Variants in ADAM17 observed in about 807,000 individuals in gnomAD.
ADAM17 encodes the protein disintegrin and metalloproteinase domain-containing protein 17.
In ADAM17, 39 loss-of-function variants were observed where a neutral mutation model predicts 96.7. The ratio of observed to expected loss-of-function variants is 0.40; its 90% CI spans 0.31 to 0.53. ADAM17 has a LOEUF of 0.53. Ranked by LOEUF, ADAM17 falls within the 20% of genes least tolerant of loss-of-function variation. The probability of loss-of-function intolerance (pLI) is 0.44; values close to 1 mark genes in which losing one functional copy is unlikely to be tolerated. For missense variants in ADAM17, 777 were observed against 1,013.2 expected, an observed-to-expected ratio of 0.77 and a Z score of 3.17; for synonymous variants, 344 against 359.2, an observed-to-expected ratio of 0.96 and a Z score of 0.48.
chr2:9,538,995 A>C (rs1665096370), intron 2 of ADAM17, among the ~76,000 whole-genome samples: 1 of 152,120 alleles, frequency 6.6e-6, no homozygotes, highest in African/African-American at 2.4e-5. Flanking sequence ...GATATATTTC[A>C]CTTTTAGGAG....
At position 9,497,136 on chromosome 2, in the gene ADAM17, C is replaced by T; in HGVS notation, c.1761G>A (p.Gln587=). 1 of 1,614,158 alleles carries T rather than the reference C, an allele frequency of 6.2e-7. No individual in the cohort carries two copies. The highest frequency in any genetic ancestry group is 8.5e-7 in the Non-Finnish European group (1 of 1,179,996). Residue 587 remains glutamine, a synonymous_variant, in exon 14 of 19, where the codon CAG becomes CAA. Coordinates refer to ENST00000310823, the MANE Select transcript of ADAM17 (RefSeq NM_003183.6). The part of the protein sequence containing the change: ...KCIPFCEREQ[Q]LESCACNETD... ...CACCATTACATGCACAGGACTCCAGCTGCTGTTCCCTCTCGCAGAAAGGGA... is the reference window on the plus strand; with the variant it reads ...CACCATTACATGCACAGGACTCCAGTTGCTGTTCCCTCTCGCAGAAAGGGA...
intron 14 of ADAM17, chr2:9,496,460 C>T (rs1009400908): frequency 6.6e-6 from 1 of 152,346 alleles, no homozygotes; most frequent in Non-Finnish European, 1.5e-5. Context: ...AGAGAACTCC[C>T]TCATCGACTC....
intron 7 of ADAM17, 62 bp downstream of exon 7, chr2:9,523,187 C>G: frequency 1.6e-6 from 2 of 1,289,530 alleles, no homozygotes; most frequent in Non-Finnish European, 1.1e-6. Flanking sequence ...GTTTTGAATA[C>G]AAGTGACAAA....
At chr2:9,491,834 G>A (rs556704513) in intron 17 of ADAM17, among the ~76,000 whole-genome samples, 18 of 152,298 alleles carry the variant, frequency 1.2e-4, no homozygotes, top group South Asian at 2.1e-4. Context: ...CCCTCCTATC[G>A]GAGGCTTTGC....
At chr2:9,514,701 G>A (rs779136391) in intron 10 of ADAM17, among the ~76,000 whole-genome samples, 31 of 151,014 alleles carry the variant, frequency 2.1e-4, no homozygotes, top group Admixed American at 6.0e-4. Flanking sequence ...GTGAAACCCC[G>A]TCTCTACTAA....
intron 11 of ADAM17, among the ~76,000 whole-genome samples, chr2:9,507,526 A>G (rs1193452168): frequency 6.6e-6 from 1 of 152,206 alleles, no homozygotes; most frequent in Non-Finnish European, 1.5e-5. Flanking sequence ...ATAATAATAA[A>G]TAAATAAAAC....
At chr2:9,526,020 T>G in intron 6 of ADAM17, 91 bp downstream of exon 6, 2 of 1,159,260 alleles carry the variant, frequency 1.7e-6, no homozygotes, top group Non-Finnish European at 2.3e-6. Context: ...AATAACAGAG[T>G]ATCTGGAACA....
At chr2:9,508,366 G>A (rs187644795) in intron 11 of ADAM17, among the ~76,000 whole-genome samples, 153 of 152,040 alleles carry the variant, frequency 1.0e-3, no homozygotes, top group Middle Eastern at 6.8e-3. Context: ...CTCTACATCC[G>A]CGCTACTTTT....
At chr2:9,493,682 A>C (rs1662336506) in intron 16 of ADAM17, 65 bp downstream of exon 16, 1 of 1,410,516 alleles carries the variant, frequency 7.1e-7, no homozygotes, top group Non-Finnish European at 1.0e-6. Flanking sequence ...CTGAAAGCAC[A>C]CTTTTCTAAT....
chr2:9,536,418 C>T lies in ADAM17; in HGVS notation c.361+280G>A, dbSNP rs769542612. Among the ~76,000 whole-genome samples, 10 of 152,202 alleles carry T rather than the reference C, an allele frequency of 6.6e-5. No homozygotes were observed. In the Middle Eastern group the frequency reaches 0.014, roughly 207 times the overall value. On this transcript the variant is annotated intron_variant, in intron 3 of 18. Coordinates refer to ENST00000310823, the MANE Select transcript of ADAM17 (RefSeq NM_003183.6). ...TTTAAAATATCATAAAGAAAGCTTA[C>T]AGTCACTGAGGAAAAGAAAGGTTAA...
intron 4 of ADAM17, among the ~76,000 whole-genome samples, chr2:9,528,876 A>T (rs565460776): frequency 6.6e-6 from 1 of 152,376 alleles, no homozygotes; most frequent in South Asian, 2.1e-4. Context: ...AAACCACTTT[A>T]GAAAACAGTC....
intron 4 of ADAM17, among the ~76,000 whole-genome samples, chr2:9,532,468 AT>A (rs1278429280): frequency 3.9e-5 from 6 of 152,016 alleles, no homozygotes. Flanking sequence ...GTAAGTAAAC[AT>A]CTTTGTGTGT....
At chr2:9,504,203 T>C (rs914135323) in intron 12 of ADAM17, among the ~76,000 whole-genome samples, 2 of 151,616 alleles carry the variant, frequency 1.3e-5, no homozygotes, top group African/African-American at 2.4e-5. Context: ...TCCCAGCACT[T>C]TGGGAGGCCA....
intron 10 of ADAM17, among the ~76,000 whole-genome samples, chr2:9,515,133 C>T (rs1301856717): frequency 6.6e-6 from 1 of 152,124 alleles, no homozygotes; most frequent in African/African-American, 2.4e-5. Flanking sequence ...AAGTATCATA[C>T]AGAGTAATTA....
intron 3 of ADAM17, among the ~76,000 whole-genome samples, 173 bp downstream of exon 3, chr2:9,536,525 C>A (rs1664967490): frequency 1.3e-5 from 2 of 152,158 alleles, no homozygotes; most frequent in South Asian, 4.1e-4. Context: ...TCATTTCCTT[C>A]TATTAGAATG....
At chr2:9,516,999 G>A (rs1664089628) in intron 10 of ADAM17, among the ~76,000 whole-genome samples, 2 of 151,970 alleles carry the variant, frequency 1.3e-5, no homozygotes, top group Non-Finnish European at 2.9e-5. Context: ...TTTTTAGAAG[G>A]GCCAGACTAG....
chr2:9,547,280 G>A (rs1407006326), intron 1 of ADAM17, among the ~76,000 whole-genome samples: 3 of 151,918 alleles, frequency 2.0e-5, no homozygotes, highest in Admixed American at 2.0e-4. Context: ...AATATTTATT[G>A]AGAACCTCCT....
chr2:9,494,525 A>C, intron 15 of ADAM17, 112 bp downstream of exon 15: 1 of 1,258,562 alleles, frequency 7.9e-7, no homozygotes, highest in Non-Finnish European at 1.1e-6. Context: ...ATGGGCCAGA[A>C]GGATGTAGCC....
At chr2:9,555,303 A>G (rs1022801770) in intron 1 of ADAM17, among the ~76,000 whole-genome samples, 6 of 152,118 alleles carry the variant, frequency 3.9e-5, no homozygotes, top group Non-Finnish European at 8.8e-5. Flanking sequence ...CCCGTCCAGT[A>G]GCCCTTTCCC....
Sources: gnomAD v4.1 joint callset for allele counts (sites outside exome capture counted in the v4.1 genomes callset) on GRCh38, gnomAD v4.1.1 for gene constraint, MANE v1.5 for transcripts, NCBI Gene and HGNC (gene_info 2026-07-23, HGNC 2026-07-21) for gene names.